Variants in ITFG1 observed in about 807,000 individuals in gnomAD.
The protein encoded by ITFG1 is T-cell immunomodulatory protein.
In ITFG1, 34 loss-of-function variants were observed where a neutral mutation model predicts 81.8. That is an observed-to-expected ratio of 0.42 (90% CI 0.32 to 0.55). The LOEUF (loss-of-function observed/expected upper bound fraction) is 0.55. Ranked by LOEUF, ITFG1 falls within the 20% of genes least tolerant of loss-of-function variation. The pLI is 0.17. For synonymous variants in ITFG1, 285 were observed against 270.6 expected (o/e 1.05, Z -0.52); for missense variants, 672 against 755.4 (o/e 0.89, Z 1.29).
chr16:47,388,598 A>G (rs547207141), intron 6 of ITFG1, among the ~76,000 whole-genome samples: 1 of 152,312 alleles, frequency 6.6e-6, no homozygotes, highest in South Asian at 2.1e-4. Flanking sequence ...AAAGTCCTAC[A>G]TTCAGGAAAA....
At chr16:47,219,206 C>T (rs965740699) in intron 13 of ITFG1, among the ~76,000 whole-genome samples, 4 of 152,050 alleles carry the variant, frequency 2.6e-5, no homozygotes, top group African/African-American at 4.8e-5. Flanking sequence ...TTATTCAGTT[C>T]GTTATTTTAA....
intron 6 of ITFG1, among the ~76,000 whole-genome samples, chr16:47,413,273 T>C (rs1045460721): frequency 6.6e-6 from 1 of 152,190 alleles, no homozygotes; most frequent in African/African-American, 2.4e-5. Flanking sequence ...TCTTCTAAGC[T>C]AAGGAAAAAC....
chr16:47,162,821 C>CT lies in ITFG1; in HGVS notation c.1454-158dup, dbSNP rs560560426. On this transcript the variant is annotated intron_variant, in intron 14 of 17. Transcript: ENST00000320640. ...ACAGGTCATTAATATTAATGATTCA[C>CT]TTTTTTCTTTTTTTGAGACATGGTC... 703 of 619,666 alleles carry CT rather than the reference C, an allele frequency of 1.1e-3. 4 individuals are homozygous for CT. The African/African-American group carries it at 0.012, about 11-fold the overall frequency. 38.4% of individuals were successfully genotyped at this position (619,666 alleles called of 1,614,324 possible).
chr16:47,164,530 T>C (rs1964861055), intron 14 of ITFG1, among the ~76,000 whole-genome samples: 1 of 152,258 alleles, frequency 6.6e-6, no homozygotes, highest in Non-Finnish European at 1.5e-5. Flanking sequence ...TTCTAGGAAT[T>C]TGCAAAGTCT....
At chr16:47,170,110 A>G (rs1412029240) in intron 14 of ITFG1, among the ~76,000 whole-genome samples, 1 of 152,126 alleles carries the variant, frequency 6.6e-6, no homozygotes, top group African/African-American at 2.4e-5. Context: ...AGATTTTTGT[A>G]TCAATATTCA....
At position 47,218,923 on chromosome 16, in the gene ITFG1, T is replaced by C. The variant is rs1965658505; in HGVS notation, c.1398A>G (p.Gly466=). Residue 466 remains glycine (G), a synonymous_variant, in exon 14 of 18, where the codon GGA becomes GGG. Coordinates refer to ENST00000320640, the MANE Select transcript of ITFG1 (RefSeq NM_030790.5). ...KITPFGVNQP[G]PYIMYTTVDA... ...CTACAGTTGTATACATGATATAAGG[T>C]CCAGGTTGATTCACTCCAAAGGGCT... The C allele has an allele frequency of 6.2e-7, 1 of 1,600,938 alleles. No individual in the cohort carries two copies. Among genetic ancestry groups the C allele is most frequent in the Admixed American group, 1.7e-5 (1 of 58,384 alleles).
At chr16:47,266,555 T>C (rs1966278874) in intron 10 of ITFG1, among the ~76,000 whole-genome samples, 1 of 152,100 alleles carries the variant, frequency 6.6e-6, no homozygotes, top group African/African-American at 2.4e-5. Context: ...AGATAATAAC[T>C]AGTGTTCAAG....
intron 5 of ITFG1, among the ~76,000 whole-genome samples, chr16:47,445,874 C>A (rs1310798357): frequency 6.6e-6 from 1 of 152,086 alleles, no homozygotes; most frequent in Non-Finnish European, 1.5e-5. Context: ...TGACTTGTAC[C>A]CCTTGTACCC....
chr16:47,356,603 C>T (rs1232963309), intron 8 of ITFG1, among the ~76,000 whole-genome samples: 4 of 152,176 alleles, frequency 2.6e-5, no homozygotes, highest in African/African-American at 9.7e-5. Context: ...GCACTTTCAT[C>T]CATTCAGTCA....
chr16:47,374,261 T>G (rs1380771952), intron 7 of ITFG1, among the ~76,000 whole-genome samples: 2 of 152,358 alleles, frequency 1.3e-5, no homozygotes, highest in East Asian at 3.9e-4. Context: ...TAAAAGTTAC[T>G]TACTGATCCA....
chr16:47,192,454 T>A (rs1445180459), intron 14 of ITFG1, among the ~76,000 whole-genome samples: 1 of 152,204 alleles, frequency 6.6e-6, no homozygotes, highest in Non-Finnish European at 1.5e-5. Flanking sequence ...ACACTAGAGA[T>A]TCCTTCTGAA....
chr16:47,400,978 T>C (rs552844539), intron 6 of ITFG1, among the ~76,000 whole-genome samples: 1 of 152,286 alleles, frequency 6.6e-6, no homozygotes, highest in African/African-American at 2.4e-5. Context: ...TGTTAGGATG[T>C]TGGCCATCTG....
rs554557049 is a variant in ITFG1 at position 47,409,315 on chromosome 16, A to T, written c.655+19489T>A. On this transcript the variant is annotated intron_variant, in intron 6 of 17. Coordinates refer to ENST00000320640, the MANE Select transcript of ITFG1 (RefSeq NM_030790.5). ...AAGATATAACCGAAATACCAAAAAAAAAATCCAACTGGATCACAGATTTAA... is the reference window on the plus strand; with the variant it reads ...AAGATATAACCGAAATACCAAAAAATAAATCCAACTGGATCACAGATTTAA... Among the ~76,000 whole-genome samples, 135 of 141,242 alleles carry T rather than the reference A, an allele frequency of 9.6e-4. 2 individuals are homozygous for T. Among genetic ancestry groups the T allele is most frequent in the South Asian group, 3.4e-3 (15 of 4,446 alleles). 92.7% of individuals were successfully genotyped at this position (141,242 alleles called of 152,430 possible).
chr16:47,178,179 ACCCAC>A (rs1041513630), intron 14 of ITFG1, among the ~76,000 whole-genome samples: 2 of 152,246 alleles, frequency 1.3e-5, no homozygotes, highest in Non-Finnish European at 2.9e-5. Context: ...ATGGATGGTT[ACCCAC>A]ATAGAAAAAA....
At position 47,457,318 on chromosome 16, in the gene ITFG1, A is replaced by C. The variant is rs1356993541; in HGVS notation, c.281+1785T>G. Among the ~76,000 whole-genome samples, 6 of 152,116 alleles carry C rather than the reference A, an allele frequency of 3.9e-5. No individual in the cohort carries two copies. In the East Asian group the frequency reaches 9.6e-4, roughly 24 times the overall value. On this transcript the variant is annotated intron_variant, in intron 2 of 17. Coordinates refer to ENST00000320640, the MANE Select transcript of ITFG1 (RefSeq NM_030790.5). ...AGAGTGAGACTCTGTCTCAAGAAAA[A>C]AAAAAAAAGAAAAAGAAAAGAAATA...
At chr16:47,291,618 G>A (rs1047071839) in intron 10 of ITFG1, among the ~76,000 whole-genome samples, 9 of 152,160 alleles carry the variant, frequency 5.9e-5, no homozygotes, top group Middle Eastern at 3.4e-3. Flanking sequence ...AGTTTTGTAG[G>A]ATTTCTCTCA....
intron 6 of ITFG1, among the ~76,000 whole-genome samples, chr16:47,417,013 C>A (rs558358276): frequency 1.1e-4 from 16 of 152,176 alleles, no homozygotes; most frequent in Non-Finnish European, 2.1e-4. Flanking sequence ...AACTAATATG[C>A]ACTTATTTCA....
chr16:47,442,595 C>T (rs1156999225), intron 5 of ITFG1, among the ~76,000 whole-genome samples: 17 of 152,050 alleles, frequency 1.1e-4, no homozygotes, highest in Non-Finnish European at 2.2e-4. Flanking sequence ...GAAATAATGT[C>T]GCATATCTAC....
intron 8 of ITFG1, among the ~76,000 whole-genome samples, chr16:47,334,283 C>T (rs1187794016): frequency 6.6e-6 from 1 of 151,994 alleles, no homozygotes; most frequent in Admixed American, 6.6e-5. Flanking sequence ...AGGAAGTTAG[C>T]TGGGTGTGCT....
Sources: allele counts gnomAD v4.1 joint callset (sites outside exome capture counted in the v4.1 genomes callset), GRCh38; gene constraint gnomAD v4.1.1; transcripts MANE v1.5; gene names NCBI Gene and HGNC (gene_info 2026-07-23, HGNC 2026-07-21).